RAB27B: variants seen among roughly 807,000 people sequenced by gnomAD.
The protein encoded by RAB27B is RAB27B, member RAS oncogene family.
A neutral mutation model predicts 24.6 loss-of-function variants in RAB27B; 15 were observed. The ratio of observed to expected loss-of-function variants is 0.61; its 90% CI spans 0.41 to 0.94. The LOEUF (loss-of-function observed/expected upper bound fraction) is 0.94. Among genes scored for constraint, RAB27B ranks in the 40% least tolerant of loss-of-function variants. The probability of loss-of-function intolerance (pLI) is 0.00; values close to 1 mark genes in which losing one functional copy is unlikely to be tolerated. For missense variants in RAB27B, 261 were observed against 266.8 expected (o/e 0.98, Z 0.15); for synonymous variants, 105 against 92.5 (o/e 1.14, Z -0.78).
intron 2 of RAB27B, among the ~76,000 whole-genome samples, chr18:54,819,531 C>CAAAAAAAAAAAAAAAAAA (rs33940922): frequency 6.1e-5 from 4 of 65,158 alleles, no homozygotes; most frequent in Non-Finnish European, 1.2e-4. Flanking sequence ...GACTCCATCT[C>CAAAAAAAAAAAAAAAAAA]AAAAAAAAAA....
chr18:54,735,240 T>C (rs1188022033), intron 2 of RAB27B, among the ~76,000 whole-genome samples: 3 of 152,218 alleles, frequency 2.0e-5, no homozygotes, highest in Non-Finnish European at 4.4e-5. Flanking sequence ...ATACCTGTGC[T>C]GTGCTGTCCA....
rs1002017956 is a variant in RAB27B, at chr18:54,884,253, G to T, written c.240-80G>T. Reference sequence around the variant, plus strand: ...GGCCAGTCACGGAGAATTCATACCTGAAAGGGAAACTGTTATTTGTGTTGT... The same window carrying T: ...GGCCAGTCACGGAGAATTCATACCTTAAAGGGAAACTGTTATTTGTGTTGT... On this transcript the variant is annotated intron_variant, in intron 3 of 5. Coordinates refer to ENST00000262094, the MANE Select transcript of RAB27B (RefSeq NM_004163.4). 6 of 867,926 alleles carry T rather than the reference G, an allele frequency of 6.9e-6. No individual in the cohort carries two copies. In the African/African-American group the frequency reaches 1.0e-4, roughly 15 times the overall value. 53.8% of individuals were successfully genotyped at this position (867,926 alleles called of 1,614,324 possible). A position where few individuals can be genotyped will look rare whatever the true frequency, so the allele number is the denominator to read the frequency against.
chr18:54,874,895 T>C (rs555570474), intron 1 of RAB27B, among the ~76,000 whole-genome samples: 121 of 152,290 alleles, frequency 7.9e-4, no homozygotes, highest in Non-Finnish European at 1.4e-3. Context: ...GGTAGAGTGA[T>C]GGTGATAACA....
At chr18:54,781,149 C>T (rs1260382755) in intron 2 of RAB27B, among the ~76,000 whole-genome samples, 1 of 152,100 alleles carries the variant, frequency 6.6e-6, no homozygotes, top group Non-Finnish European at 1.5e-5. Flanking sequence ...CCCTCCTACT[C>T]ACCAAGCAGG....
At chr18:54,867,442 C>CTTTTTTTTTTTTTTTTTTTTT (rs548288719) in intron 1 of RAB27B, among the ~76,000 whole-genome samples, 2 of 98,750 alleles carry the variant, frequency 2.0e-5, no homozygotes, top group African/African-American at 3.6e-5. Flanking sequence ...CTTTTCTTTT[C>CTTTTTTTTTTTTTTTTTTTTT]TTTTTTTTTT....
At chr18:54,846,493 G>A (rs183176253) in intron 1 of RAB27B, among the ~76,000 whole-genome samples, 2 of 152,242 alleles carry the variant, frequency 1.3e-5, no homozygotes, top group East Asian at 3.9e-4. Context: ...TAGGAATAGA[G>A]ATAAAAATGC....
chr18:54,850,805 A>T (rs1335141557), intron 1 of RAB27B, among the ~76,000 whole-genome samples: 1 of 150,634 alleles, frequency 6.6e-6, no homozygotes, highest in Non-Finnish European at 1.5e-5. Flanking sequence ...AAATATTTTT[A>T]AAATTATTAA....
chr18:54,801,066 G>A (rs1236095690), intron 2 of RAB27B, among the ~76,000 whole-genome samples: 2 of 134,462 alleles, frequency 1.5e-5, no homozygotes, highest in African/African-American at 5.5e-5. Context: ...AGGCTGGAGT[G>A]CAGTGGCATG....
At chr18:54,833,514 A>G (rs1910774405) in intron 1 of RAB27B, among the ~76,000 whole-genome samples, 1 of 152,152 alleles carries the variant, frequency 6.6e-6, no homozygotes, top group Non-Finnish European at 1.5e-5. Flanking sequence ...GGTGTGTACA[A>G]CTGCACCCGG....
rs140059726 is a variant in RAB27B at position 54,732,169 on chromosome 18, C to T, written c.-20+14028C>T. ...TATCAAAAGTTATCTATCTAAAGAA[C>T]AAATGGCTCAATAAAAGAGTGATTG... On this transcript the variant is annotated intron_variant, in intron 2 of 4. Coordinates refer to the RAB27B transcript ENST00000586570. 5.0e-3 allele frequency among the ~76,000 whole-genome samples: 761 copies of T among 152,222 alleles called. 7 individuals carry two copies. The highest frequency in any genetic ancestry group is 0.017 in the African/African-American group (716 of 41,548).
chr18:54,783,578 T>G (rs1350466423), intron 2 of RAB27B, among the ~76,000 whole-genome samples: 1 of 152,108 alleles, frequency 6.6e-6, no homozygotes, highest in Admixed American at 6.6e-5. Flanking sequence ...TCTTAAAGTT[T>G]TAATATTACA....
At chr18:54,821,970 C>G (rs778575187) in intron 2 of RAB27B, among the ~76,000 whole-genome samples, 1 of 152,148 alleles carries the variant, frequency 6.6e-6, no homozygotes, top group Non-Finnish European at 1.5e-5. Flanking sequence ...CCAGGCTGGT[C>G]TGAAACTCCT....
intron 1 of RAB27B, among the ~76,000 whole-genome samples, chr18:54,830,310 T>A (rs905989262): frequency 6.6e-6 from 1 of 152,230 alleles, no homozygotes; most frequent in Non-Finnish European, 1.5e-5. Flanking sequence ...AATGTCCAGG[T>A]AGTTCAGAAT....
At chr18:54,748,717 G>T (rs1910335291) in intron 2 of RAB27B, among the ~76,000 whole-genome samples, 1 of 152,186 alleles carries the variant, frequency 6.6e-6, no homozygotes, top group African/African-American at 2.4e-5. Flanking sequence ...TCAAAGGAAA[G>T]CTTCCCATCT....
chr18:54,819,631 A>G (rs1910237831), intron 2 of RAB27B, among the ~76,000 whole-genome samples: 1 of 152,094 alleles, frequency 6.6e-6, no homozygotes, highest in African/African-American at 2.4e-5. Flanking sequence ...TTATACTTAA[A>G]GTATAAAACT....
chr18:54,849,764 A>T (rs1911484176), intron 1 of RAB27B, among the ~76,000 whole-genome samples: 1 of 152,178 alleles, frequency 6.6e-6, no homozygotes, highest in African/African-American at 2.4e-5. Context: ...GGGGATATAT[A>T]GAAATTATAT....
intron 1 of RAB27B, among the ~76,000 whole-genome samples, chr18:54,832,851 C>T (rs943055344): frequency 2.6e-5 from 4 of 151,740 alleles, no homozygotes; most frequent in Admixed American, 6.6e-5. Context: ...ATTGGCAGCT[C>T]GGGAAAGAGA....
intron 1 of RAB27B, among the ~76,000 whole-genome samples, chr18:54,841,232 A>C (rs1911110422): frequency 6.7e-6 from 1 of 150,000 alleles, no homozygotes; most frequent in Non-Finnish European, 1.5e-5. Context: ...TTATCCATAG[A>C]TTTAGCCAAC....
chr18:54,753,374 A>G (rs1053795108), intron 2 of RAB27B, among the ~76,000 whole-genome samples: 3 of 152,168 alleles, frequency 2.0e-5, no homozygotes, highest in Admixed American at 2.0e-4. Flanking sequence ...TGCAGGCTTA[A>G]CTAGTTAATC....
Sources: gnomAD v4.1 joint callset for allele counts (sites outside exome capture counted in the v4.1 genomes callset) on GRCh38, gnomAD v4.1.1 for gene constraint, MANE v1.5 for transcripts, NCBI Gene and HGNC (gene_info 2026-07-23, HGNC 2026-07-21) for gene names.